Variants in YEATS2 observed in about 807,000 individuals in gnomAD.
YEATS2 encodes the protein YEATS domain containing 2.
A neutral mutation model predicts 163.2 loss-of-function variants in YEATS2; 77 were observed. That is an observed-to-expected ratio of 0.47 (90% CI 0.39 to 0.57). The LOEUF is 0.57. YEATS2 is among the 20% of genes least tolerant of loss of function. The pLI is 0.00. For synonymous variants in YEATS2, 631 were observed against 645.1 expected (o/e 0.98, Z 0.33); for missense variants, 1,549 against 1,729.8 (o/e 0.90, Z 1.85).
At position 183,790,937 on chromosome 3, in the gene YEATS2, C is replaced by T. The variant is rs538579046; in HGVS notation, c.3054C>T (p.Leu1018=). 51 of 1,614,200 alleles carry T rather than the reference C, an allele frequency of 3.2e-5. No homozygotes were observed. In the Middle Eastern group the frequency reaches 5.0e-4, roughly 16 times the overall value. ...CCACCGTCGTCAGCGCCACGTCCCT[C>T]GTGCCTACACCAAACCCCATCTCTG... ...ATPTVVSATS[L]VPTPNPISGK... Residue 1018 remains leucine (L), a synonymous_variant, in exon 21 of 31, where the codon CTC becomes CTT. Transcript: ENST00000305135.
At chr3:183,798,690 G>A (rs1725389734) in intron 22 of YEATS2, among the ~76,000 whole-genome samples, 1 of 152,058 alleles carries the variant, frequency 6.6e-6, no homozygotes, top group East Asian at 1.9e-4. Context: ...ACAGGCTCCC[G>A]TTTCTACAGT....
chr3:183,770,377 A>G (rs995462050), intron 15 of YEATS2, among the ~76,000 whole-genome samples: 2 of 152,118 alleles, frequency 1.3e-5, no homozygotes, highest in African/African-American at 4.8e-5. Context: ...CTCCGTCTCA[A>G]AAAAAAACAA....
rs181022624 is a variant in YEATS2, at chr3:183,726,985, G to A, written c.651-1705G>A. Among the ~76,000 whole-genome samples, 215 of 152,250 alleles carry A rather than the reference G, an allele frequency of 1.4e-3. 2 individuals carry two copies. The highest frequency in any genetic ancestry group is 3.4e-3 in the Middle Eastern group (1 of 294). On this transcript the variant is annotated intron_variant, in intron 6 of 30. Coordinates refer to ENST00000305135, the MANE Select transcript of YEATS2 (RefSeq NM_018023.5). Reference sequence around the variant, plus strand: ...CCTGGATAATTTTGTATTCTTAGTAGAGATGGGGTTTCACTGTGTTGATCA... The same window carrying A: ...CCTGGATAATTTTGTATTCTTAGTAAAGATGGGGTTTCACTGTGTTGATCA...
chr3:183,779,173 T>G (rs979201163), intron 19 of YEATS2, among the ~76,000 whole-genome samples: 1 of 151,986 alleles, frequency 6.6e-6, no homozygotes, highest in Non-Finnish European at 1.5e-5. Flanking sequence ...CCTCCGAAAG[T>G]TCTGGGATTA....
chr3:183,721,345 A>T (rs1045785712), intron 4 of YEATS2, among the ~76,000 whole-genome samples: 1 of 152,232 alleles, frequency 6.6e-6, no homozygotes, highest in Non-Finnish European at 1.5e-5. Context: ...GTGTTATCAC[A>T]TAATAACAGA....
chr3:183,766,979 T>TA (rs1287758400), intron 15 of YEATS2, among the ~76,000 whole-genome samples: 1 of 152,068 alleles, frequency 6.6e-6, no homozygotes, highest in African/African-American at 2.4e-5. Context: ...CTGGCCAAAG[T>TA]ATGTTGTTTT....
chr3:183,727,612 T>G (rs1471586365), intron 6 of YEATS2, among the ~76,000 whole-genome samples: 1 of 152,158 alleles, frequency 6.6e-6, no homozygotes, highest in African/African-American at 2.4e-5. Context: ...GCACTAGGCA[T>G]AGATGAGCAT....
chr3:183,737,324 G>A (rs1718444905), intron 8 of YEATS2, among the ~76,000 whole-genome samples: 1 of 152,130 alleles, frequency 6.6e-6, no homozygotes, highest in African/African-American at 2.4e-5. Context: ...GGGAGTGTTA[G>A]GTCTTCTGCA....
intron 12 of YEATS2, 84 bp downstream of exon 12, chr3:183,756,773 T>A: frequency 8.3e-7 from 1 of 1,205,302 alleles, no homozygotes; most frequent in Non-Finnish European, 1.1e-6. Context: ...GGTAGCCATG[T>A]AATTGGAGAA....
chr3:183,740,337 A>G (rs547942692), intron 8 of YEATS2, among the ~76,000 whole-genome samples: 4 of 152,362 alleles, frequency 2.6e-5, no homozygotes, highest in African/African-American at 9.6e-5. Flanking sequence ...TATGCAGCCA[A>G]AAAACACATG....
At chr3:183,809,315 A>G in intron 30 of YEATS2, 145 bp downstream of exon 30, 1 of 779,640 alleles carries the variant, frequency 1.3e-6, no homozygotes, top group South Asian at 1.7e-5. Flanking sequence ...GATGAGCTCA[A>G]GGGTCTGCTT....
chr3:183,708,163 T>TA (rs1406015045), intron 1 of YEATS2, among the ~76,000 whole-genome samples: 1 of 147,524 alleles, frequency 6.8e-6, no homozygotes, highest in African/African-American at 2.5e-5. Flanking sequence ...TTGGCCACTT[T>TA]TTTTTTTTTT....
chr3:183,809,211 T>A, intron 30 of YEATS2, 41 bp downstream of exon 30: 1 of 1,577,706 alleles, frequency 6.3e-7, no homozygotes, highest in Non-Finnish European at 8.7e-7. Flanking sequence ...GGCTTACACC[T>A]CTTTCCTAAC....
At position 183,762,170 on chromosome 3, in the gene YEATS2, C is replaced by T. The variant is rs367566035; in HGVS notation, c.1838C>T (p.Pro613Leu). 6.2e-6 allele frequency: 10 copies of T among 1,614,040 alleles called. No individual in the cohort carries two copies. Among genetic ancestry groups the T allele is most frequent in the African/African-American group, 1.3e-5 (1 of 74,916 alleles). The change falls in exon 15 of 31, where the codon CCG (proline) becomes CTG (leucine). Residue 613 changes from proline (P) to leucine (L), a missense_variant. By Grantham distance (98) the Pro-to-Leu change is moderately conservative. Coordinates refer to ENST00000305135, the MANE Select transcript of YEATS2 (RefSeq NM_018023.5). The stretch of plus-strand genomic sequence containing the variant: ...GGAGCTGCCAGCCAGTCACCACTCC[C>T]GCAGTATGTGACTGTGAAAGGGGGT... ...ATGAASQSPL[P>L]QYVTVKGGHM...
rs770582533 is a variant in YEATS2, at chr3:183,752,211, A to C, written c.1108A>C (p.Lys370Gln). 9 of 1,613,950 alleles carry C rather than the reference A, an allele frequency of 5.6e-6. No homozygotes were observed. In the African/African-American group the frequency reaches 8.0e-5, roughly 14 times the overall value. The change falls in exon 10 of 31, where the codon AAG (lysine) becomes CAG (glutamine). Residue 370 changes from lysine (K) to glutamine (Q), a missense_variant. Physicochemically the swap from Lys to Gln is moderately conservative, Grantham distance 53. Transcript: ENST00000305135. ...PAPVKASSPI[K>Q]QSHEPVPDTS... is the part of the protein sequence containing the mutation. ...CCCAGTGAAAGCTTCTTCACCAATAAAGCAGTCACATGAGCCAGTACCCGA... is the reference window on the plus strand; with the variant it reads ...CCCAGTGAAAGCTTCTTCACCAATACAGCAGTCACATGAGCCAGTACCCGA...
At chr3:183,744,883 C>T (rs537808315) in intron 8 of YEATS2, among the ~76,000 whole-genome samples, 44 of 152,036 alleles carry the variant, frequency 2.9e-4, no homozygotes, top group Non-Finnish European at 6.5e-4. Context: ...CAGAATCTCA[C>T]TCTGTCACCC....
chr3:183,736,664 T>C, intron 7 of YEATS2, 54 bp from the exon 8 acceptor site: 2 of 1,374,224 alleles, frequency 1.5e-6, no homozygotes, highest in East Asian at 5.0e-5. Flanking sequence ...ACTTTTCCTG[T>C]GTAGGATGAG....
At chr3:183,769,337 A>G (rs1722224462) in intron 15 of YEATS2, among the ~76,000 whole-genome samples, 1 of 152,176 alleles carries the variant, frequency 6.6e-6, no homozygotes, top group Admixed American at 6.5e-5. Context: ...GCCTTGGCCG[A>G]ATGCGGAAGA....
chr3:183,784,221 C>T (rs1447281316), intron 19 of YEATS2, among the ~76,000 whole-genome samples: 2 of 152,216 alleles, frequency 1.3e-5, no homozygotes, highest in African/African-American at 4.8e-5. Context: ...TCCAAACTGC[C>T]TTCCACGGTG....
Sources: gnomAD v4.1 joint callset for allele counts (sites outside exome capture counted in the v4.1 genomes callset) on GRCh38, gnomAD v4.1.1 for gene constraint, MANE v1.5 for transcripts, NCBI Gene and HGNC (gene_info 2026-07-23, HGNC 2026-07-21) for gene names.